Variants in PTPRA observed in about 807,000 individuals in gnomAD.
PTPRA encodes the protein protein tyrosine phosphatase receptor type A, also known as receptor-type tyrosine-protein phosphatase alpha.
PTPRA carries 25 observed loss-of-function variants against 104.8 expected under a neutral mutation model. That is an observed-to-expected ratio of 0.24 (90% CI 0.17 to 0.33). PTPRA has a LOEUF of 0.33. Ranked by LOEUF, PTPRA falls within the 10% of genes least tolerant of loss-of-function variation. The probability of loss-of-function intolerance (pLI) is 1.00; values close to 1 mark genes in which losing one functional copy is unlikely to be tolerated. For synonymous variants in PTPRA, 323 were observed against 368.9 expected (o/e 0.88, Z 1.43); for missense variants, 765 against 1,015.3 (o/e 0.75, Z 3.35).
chr20:2,875,497 G>A (rs2089662231), intron 1 of PTPRA, among the ~76,000 whole-genome samples: 1 of 152,164 alleles, frequency 6.6e-6, no homozygotes, highest in Admixed American at 6.5e-5. Context: ...ACATTCATGT[G>A]TCTTCCCTTT....
chr20:2,979,839 C>T (rs1052668966), intron 6 of PTPRA, among the ~76,000 whole-genome samples: 4 of 152,150 alleles, frequency 2.6e-5, no homozygotes, highest in Non-Finnish European at 4.4e-5. Flanking sequence ...CCACCGTGCC[C>T]GGCCCTGTTA....
chr20:2,928,390 G>A (rs1292709653), intron 2 of PTPRA, among the ~76,000 whole-genome samples: 1 of 152,150 alleles, frequency 6.6e-6, no homozygotes, highest in African/African-American at 2.4e-5. Flanking sequence ...TTACAGGCGT[G>A]AGCCACCGTA....
At chr20:3,020,060 C>T (rs189106522) in intron 13 of PTPRA, among the ~76,000 whole-genome samples, 501 of 152,114 alleles carry the variant, frequency 3.3e-3, no homozygotes, top group African/African-American at 0.012. Context: ...GGAGGGAGAC[C>T]GTGGAAAGAG....
At chr20:2,934,990 G>C (rs896184097) in intron 2 of PTPRA, among the ~76,000 whole-genome samples, 1 of 152,038 alleles carries the variant, frequency 6.6e-6, no homozygotes, top group East Asian at 1.9e-4. Context: ...CACCTTTTCT[G>C]TAATGCTACT....
chr20:2,894,989 A>C (rs1290183593), intron 1 of PTPRA, among the ~76,000 whole-genome samples: 2 of 86,482 alleles, frequency 2.3e-5, no homozygotes, highest in African/African-American at 3.3e-5. Context: ...TCCTTCACCC[A>C]AAAAAAAAAA....
intron 1 of PTPRA, among the ~76,000 whole-genome samples, chr20:2,910,189 TATATG>T (rs1427678236): frequency 4.9e-5 from 5 of 102,436 alleles, no homozygotes; most frequent in Admixed American, 1.2e-4. Flanking sequence ...GTATATATGA[TATATG>T]ATATATATAC....
chr20:2,893,747 G>T (rs564877147), intron 1 of PTPRA, among the ~76,000 whole-genome samples: 2 of 152,186 alleles, frequency 1.3e-5, no homozygotes, highest in East Asian at 3.9e-4. Context: ...CTTGGCACAT[G>T]ACCTTCTAAC....
rs2090319124 is a variant in PTPRA, at chr20:2,885,305, A to C, written c.-129+11545A>C. Among the ~76,000 whole-genome samples, 4 of 152,128 alleles carry C rather than the reference A, an allele frequency of 2.6e-5. No individual in the cohort carries two copies. In the South Asian group the frequency reaches 8.3e-4, roughly 31 times the overall value. Reference sequence around the variant, plus strand: ...CTTAATGACTCATGATCTGACTGTGATTTTGTTGCATCTATAAAATTCTCA... The same window carrying C: ...CTTAATGACTCATGATCTGACTGTGCTTTTGTTGCATCTATAAAATTCTCA... On this transcript the variant is annotated intron_variant, in intron 1 of 23. Coordinates refer to ENST00000399903, the MANE Select transcript of PTPRA (RefSeq NM_001385305.1).
chr20:2,864,613 T>C, the PTPRA span: 6 of 1,614,082 alleles, frequency 3.7e-6, no homozygotes, highest in Non-Finnish European at 5.1e-6. This position sits in a 1 kb window ranked among gnomAD's most constrained non-coding sequence, Gnocchi z 5.2. Context: ...TCACCAGGAA[T>C]TGGGCAGCTT....
chr20:2,964,517 CA>C (rs1329331241), intron 4 of PTPRA, among the ~76,000 whole-genome samples, 167 bp downstream of exon 4: 2 of 152,204 alleles, frequency 1.3e-5, no homozygotes, highest in African/African-American at 4.8e-5. Flanking sequence ...GAATGCTCAG[CA>C]TTGTTTTTCA....
chr20:2,872,471 T>C (rs1002461372), upstream of PTPRA, among the ~76,000 whole-genome samples: 4 of 152,342 alleles, frequency 2.6e-5, no homozygotes, highest in African/African-American at 9.6e-5. The surrounding 1 kb of genome is among the most constrained non-coding windows in gnomAD (Gnocchi z 7.9). Context: ...TGCGCTACTG[T>C]GCAATCTGTC....
intron 1 of PTPRA, among the ~76,000 whole-genome samples, chr20:2,906,489 G>A (rs565821457): frequency 2.6e-5 from 4 of 152,120 alleles, no homozygotes; most frequent in Admixed American, 6.6e-5. Flanking sequence ...TAATACGTAC[G>A]TTCTGATATA....
At chr20:3,004,930 C>G in intron 9 of PTPRA, 126 bp from the exon 10 acceptor site, 1 of 819,932 alleles carries the variant, frequency 1.2e-6, no homozygotes, top group Middle Eastern at 2.3e-4. Flanking sequence ...AGGTATTCAC[C>G]TGGGCCCATG....
In PTPRA at chr20:2,947,895, C is replaced by T. The variant is rs539658880; in HGVS notation, c.-49-87C>T. 8.1e-5 allele frequency: 44 copies of T among 545,962 alleles called. 1 individual carries two copies. Among genetic ancestry groups the T allele is most frequent in the Admixed American group, 6.4e-4 (18 of 28,118 alleles). The allele number at this position is 545,962 out of a possible 1,614,324, so 33.8% of individuals were successfully genotyped here. A position where few individuals can be genotyped will look rare whatever the true frequency, so the allele number is the denominator to read the frequency against. On this transcript the variant is annotated intron_variant, in intron 2 of 23. Transcript: ENST00000399903. ...TTACTTATATATAAAATTTGCCTAT[C>T]GATAATTTCTGTCAATAGGAGGTTG...
chr20:2,940,322 CTTT>C, intron 2 of PTPRA, among the ~76,000 whole-genome samples: 1 of 141,076 alleles, frequency 7.1e-6, no homozygotes, highest in East Asian at 2.0e-4. Context: ...CTTTTCTTTT[CTTT>C]TTTTTTTTTT....
rs571174546 is a variant in PTPRA, at chr20:2,907,142, A to G, written c.-128-16065A>G. Reference sequence around the variant, plus strand: ...TCAAAAGTTAGTTGTCTAAATAACAACAGTTTAAGTTTCATATATAAGTGT... The same window carrying G: ...TCAAAAGTTAGTTGTCTAAATAACAGCAGTTTAAGTTTCATATATAAGTGT... On this transcript the variant is annotated intron_variant, in intron 1 of 23. Coordinates refer to ENST00000399903, the MANE Select transcript of PTPRA (RefSeq NM_001385305.1). Among the ~76,000 whole-genome samples the G allele has an allele frequency of 9.2e-4, 140 of 152,328 alleles. 1 individual carries two copies. The highest frequency in any genetic ancestry group is 3.2e-3 in the African/African-American group (134 of 41,562).
intron 17 of PTPRA, among the ~76,000 whole-genome samples, chr20:3,026,150 C>G (rs558982684): frequency 6.6e-6 from 1 of 151,788 alleles, no homozygotes; most frequent in Non-Finnish European, 1.5e-5. Context: ...GTTGGCCATG[C>G]GGGTCTCAAA....
chr20:2,930,200 C>T (rs570616659), intron 2 of PTPRA, among the ~76,000 whole-genome samples: 17 of 152,228 alleles, frequency 1.1e-4, no homozygotes, highest in South Asian at 8.3e-4. Context: ...TTATGCATTT[C>T]GTTGTATTGT....
At chr20:2,991,767 G>A (rs1337669854) in intron 9 of PTPRA, among the ~76,000 whole-genome samples, 1 of 152,170 alleles carries the variant, frequency 6.6e-6, no homozygotes, top group Non-Finnish European at 1.5e-5. Flanking sequence ...GGGTAGTGAG[G>A]GAAAGGGCTG....
Sources: allele counts gnomAD v4.1 joint callset (sites outside exome capture counted in the v4.1 genomes callset), GRCh38; gene constraint gnomAD v4.1.1; non-coding constraint Gnocchi (gnomAD v3.1); transcripts MANE v1.5; gene names NCBI Gene and HGNC (gene_info 2026-07-23, HGNC 2026-07-21).